The following GPATCH2 variants were observed in gnomAD, a reference collection of about 807,000 sequenced individuals.
The protein encoded by GPATCH2 is G patch domain-containing protein 2.
Under a neutral mutation model 58.0 loss-of-function variants are expected in GPATCH2, and 51 were observed. The ratio of observed to expected loss-of-function variants is 0.88; its 90% CI spans 0.70 to 1.11. The LOEUF is 1.11. Among genes scored for constraint, GPATCH2 ranks in the 50% most tolerant of loss-of-function variants. The pLI is 0.00. For synonymous variants in GPATCH2, 222 were observed against 218.5 expected, an observed-to-expected ratio of 1.02 and a Z score of -0.14; for missense variants, 625 against 652.2, an observed-to-expected ratio of 0.96 and a Z score of 0.45.
At chr1:217,609,311 C>T (rs1031366781) in intron 5 of GPATCH2, 2 of 985,158 alleles carry the variant, frequency 2.0e-6, no homozygotes, top group African/African-American at 3.5e-5. Flanking sequence ...CACTTTTAAA[C>T]ATGACAATAT....
intron 9 of GPATCH2, among the ~76,000 whole-genome samples, chr1:217,448,653 A>G (rs1659507560): frequency 6.6e-6 from 1 of 152,206 alleles, no homozygotes; most frequent in African/African-American, 2.4e-5. Flanking sequence ...CAGTACTTGT[A>G]GTCTTCTCAA....
chr1:217,504,870 C>A (rs752089019), intron 6 of GPATCH2, among the ~76,000 whole-genome samples: 1 of 152,088 alleles, frequency 6.6e-6, no homozygotes, highest in African/African-American at 2.4e-5. Flanking sequence ...TGCTTAATAA[C>A]TTTTTAGTGA....
intron 8 of GPATCH2, among the ~76,000 whole-genome samples, chr1:217,490,223 GCTA>G (rs1042228809): frequency 6.6e-6 from 1 of 152,136 alleles, no homozygotes; most frequent in African/African-American, 2.4e-5. Flanking sequence ...CCTTACCGAT[GCTA>G]CTGAGAAATC....
At chr1:217,498,752 T>C (rs1487418726) in intron 6 of GPATCH2, 3 of 350,184 alleles carry the variant, frequency 8.6e-6, no homozygotes, top group Non-Finnish European at 1.6e-5. Flanking sequence ...TTACAACACA[T>C]TATGACCCTT....
chr1:217,584,344 A>AAAAAAAAAAAAATATATATATAT (rs1463910405), intron 5 of GPATCH2, among the ~76,000 whole-genome samples: 76 of 101,692 alleles, frequency 7.5e-4, no homozygotes, highest in East Asian at 3.7e-3. Flanking sequence ...AAAAAAAAAA[A>AAAAAAAAAAAAATATATATATAT]ATATATATAT....
At chr1:217,610,530 G>A (rs1004660947) in intron 4 of GPATCH2, 130 bp from the exon 5 acceptor site, 5 of 638,874 alleles carry the variant, frequency 7.8e-6, no homozygotes, top group African/African-American at 5.5e-5. Context: ...TATTATTTGG[G>A]AAAATGCAAA....
Position 217,593,829 on chromosome 1 carries a change from G to A in GPATCH2, c.1098+16492C>T, listed in dbSNP as rs180868445. Among the ~76,000 whole-genome samples, 253 of 152,138 alleles carry A rather than the reference G, an allele frequency of 1.7e-3. 6 individuals carry two copies. Among genetic ancestry groups the A allele is most frequent in the Admixed American group, 0.015 (230 of 15,286 alleles). ...GCTAGAATAGATCTGCTTTTGTAAAGAACTGCGTTAACCTAAAAAAGCAGG... is the reference window on the plus strand; with the variant it reads ...GCTAGAATAGATCTGCTTTTGTAAAAAACTGCGTTAACCTAAAAAAGCAGG... On this transcript the variant is annotated intron_variant, in intron 5 of 9. Transcript: ENST00000366935.
intron 8 of GPATCH2, among the ~76,000 whole-genome samples, chr1:217,489,872 A>G (rs1234442579): frequency 2.0e-5 from 3 of 152,264 alleles, no homozygotes; most frequent in African/African-American, 7.2e-5. Flanking sequence ...CAAATAAAAA[A>G]GAATTGAGAA....
rs144403551 is a variant in GPATCH2, at chr1:217,474,574, G to A, written c.1277+17106C>T. On this transcript the variant is annotated intron_variant, in intron 8 of 9. Coordinates refer to ENST00000366935, the MANE Select transcript of GPATCH2 (RefSeq NM_018040.5). ...TGAAAACTCCCCTGAGGAGTTGAGG[G>A]TGAGATGTCCTACATTCCAAAGACT... is the stretch of plus-strand genomic sequence containing the variant. Among the ~76,000 whole-genome samples the A allele has an allele frequency of 3.3e-3, 506 of 152,328 alleles. 2 individuals are homozygous for A. The highest frequency in any genetic ancestry group is 0.012 in the African/African-American group (491 of 41,570).
At chr1:217,599,557 C>T (rs1002871486) in intron 5 of GPATCH2, among the ~76,000 whole-genome samples, 3 of 152,122 alleles carry the variant, frequency 2.0e-5, no homozygotes, top group African/African-American at 7.2e-5. Context: ...CTTCCCTTAA[C>T]AAATGTTAGG....
intron 5 of GPATCH2, among the ~76,000 whole-genome samples, chr1:217,583,667 T>C (rs1037626476): frequency 1.3e-5 from 2 of 149,566 alleles, no homozygotes; most frequent in Non-Finnish European, 3.0e-5. Flanking sequence ...TGATTAAAGA[T>C]AGGAATTCTC....
chr1:217,461,831 A>G (rs897935808), intron 8 of GPATCH2, among the ~76,000 whole-genome samples: 2 of 152,152 alleles, frequency 1.3e-5, no homozygotes, highest in Non-Finnish European at 2.9e-5. Context: ...TTATGAAAAG[A>G]ATGCTTTCAG....
At chr1:217,609,690 A>G (rs2102812999) in intron 5 of GPATCH2, 6 of 969,898 alleles carry the variant, frequency 6.2e-6, no homozygotes, top group South Asian at 4.8e-5. Context: ...TGCTGGTTAT[A>G]TAAGACTTCT....
chr1:217,595,682 T>C (rs1029167936), intron 5 of GPATCH2, among the ~76,000 whole-genome samples: 2 of 152,114 alleles, frequency 1.3e-5, no homozygotes, highest in Non-Finnish European at 2.9e-5. Context: ...GTATTTTTAG[T>C]AGAGAAAGGG....
rs1309096504 is a variant in GPATCH2 at position 217,580,988 on chromosome 1, C to G, written c.1098+29333G>C. Among the ~76,000 whole-genome samples, 7 of 37,930 alleles carry G rather than the reference C, an allele frequency of 1.8e-4. 1 individual carries two copies. Among genetic ancestry groups the G allele is most frequent in the Non-Finnish European group, 3.4e-4 (6 of 17,588 alleles). 24.9% of individuals were successfully genotyped at this position (37,930 alleles called of 152,430 possible). A position where few individuals can be genotyped will look rare whatever the true frequency, so the allele number is the denominator to read the frequency against. ...TGCGCCACTGCAGTCCGCAGTCCAG[C>G]CTGGGCGACAGAGCGAGACTCCGTC... is the stretch of plus-strand genomic sequence containing the variant. On this transcript the variant is annotated intron_variant, in intron 5 of 9. Coordinates refer to ENST00000366935, the MANE Select transcript of GPATCH2 (RefSeq NM_018040.5).
chr1:217,592,962 G>A (rs1027117592), intron 5 of GPATCH2, among the ~76,000 whole-genome samples: 2 of 151,818 alleles, frequency 1.3e-5, no homozygotes, highest in African/African-American at 4.8e-5. Context: ...TGGATCTATG[G>A]TAACAGTCAT....
chr1:217,435,039 C>T (rs1658746859), intron 9 of GPATCH2, among the ~76,000 whole-genome samples: 1 of 152,152 alleles, frequency 6.6e-6, no homozygotes. Flanking sequence ...CTTCATTATT[C>T]ATGGAAAATG....
chr1:217,518,836 G>A (rs890637103), intron 5 of GPATCH2, among the ~76,000 whole-genome samples: 1 of 152,086 alleles, frequency 6.6e-6, no homozygotes, highest in African/African-American at 2.4e-5. Flanking sequence ...CTGCTTCAGT[G>A]CCCACACTGA....
At chr1:217,494,269 T>C (rs1336544354) in intron 7 of GPATCH2, among the ~76,000 whole-genome samples, 1 of 152,206 alleles carries the variant, frequency 6.6e-6, no homozygotes, top group African/African-American at 2.4e-5. Context: ...TTATCTCACC[T>C]TATCAGTACA....
Sources: gnomAD v4.1 joint callset for allele counts (sites outside exome capture counted in the v4.1 genomes callset) on GRCh38, gnomAD v4.1.1 for gene constraint, MANE v1.5 for transcripts, NCBI Gene and HGNC (gene_info 2026-07-23, HGNC 2026-07-21) for gene names.